SFXN1: variants seen among roughly 807,000 people sequenced by gnomAD.
SFXN1 encodes sideroflexin 1.
In SFXN1, 32 loss-of-function variants were observed where a neutral mutation model predicts 39.5. The ratio of observed to expected loss-of-function variants is 0.81; its 90% CI spans 0.61 to 1.09. SFXN1 has a LOEUF of 1.09. Among genes scored for constraint, SFXN1 ranks in the 50% least tolerant of loss-of-function variants. SFXN1 has a pLI of 0.00. For missense variants in SFXN1, 402 were observed against 407.1 expected (o/e 0.99, Z 0.11); for synonymous variants, 136 against 146.5 (o/e 0.93, Z 0.52).
chr5:175,484,512 A>G (rs1194307950), intron 1 of SFXN1, among the ~76,000 whole-genome samples: 2 of 152,198 alleles, frequency 1.3e-5, no homozygotes, highest in African/African-American at 4.8e-5. Flanking sequence ...AATGCTGCGG[A>G]CCAACCAAGT....
At chr5:175,498,163 A>C (rs192256784) in intron 2 of SFXN1, among the ~76,000 whole-genome samples, 170 of 152,286 alleles carry the variant, frequency 1.1e-3, no homozygotes, top group African/African-American at 3.8e-3. Context: ...ACTCTGAGGA[A>C]AGTTTATAGC....
At chr5:175,487,708 C>G (rs535131635) in intron 1 of SFXN1, among the ~76,000 whole-genome samples, 1 of 152,302 alleles carries the variant, frequency 6.6e-6, no homozygotes, top group East Asian at 1.9e-4. Flanking sequence ...CCAGATTACA[C>G]TTCTCCCCTG....
intron 6 of SFXN1, among the ~76,000 whole-genome samples, chr5:175,512,798 G>A (rs1760567435): frequency 6.6e-6 from 1 of 152,162 alleles, no homozygotes; most frequent in Non-Finnish European, 1.5e-5. Flanking sequence ...AGCATATTAA[G>A]TTTGTTGACT....
intron 7 of SFXN1, among the ~76,000 whole-genome samples, chr5:175,515,234 T>C (rs1353821222): frequency 2.0e-5 from 3 of 152,130 alleles, no homozygotes; most frequent in Non-Finnish European, 4.4e-5. Flanking sequence ...CCAATTAGTC[T>C]AGAACTCCTG....
intron 1 of SFXN1, among the ~76,000 whole-genome samples, chr5:175,481,509 T>G (rs1759249958): frequency 6.6e-6 from 1 of 152,084 alleles, no homozygotes; most frequent in Non-Finnish European, 1.5e-5. Context: ...AGAGACGGGG[T>G]TTCACCACGT....
chr5:175,519,979 C>T (rs1043287804), intron 8 of SFXN1, among the ~76,000 whole-genome samples: 2 of 147,816 alleles, frequency 1.4e-5, no homozygotes, highest in Non-Finnish European at 3.0e-5. Context: ...AAGCAATTCT[C>T]CTGCCTCAGC....
At chr5:175,486,231 T>C (rs1342542298) in intron 1 of SFXN1, among the ~76,000 whole-genome samples, 3 of 152,132 alleles carry the variant, frequency 2.0e-5, no homozygotes, top group African/African-American at 7.2e-5. Flanking sequence ...CATTAATTGG[T>C]GTCATACTTC....
chr5:175,480,173 G>A (rs1419284361), intron 1 of SFXN1, among the ~76,000 whole-genome samples: 1 of 152,128 alleles, frequency 6.6e-6, no homozygotes, highest in East Asian at 1.9e-4. Flanking sequence ...TGGCCGAGGC[G>A]GGCGGATCAC....
chr5:175,517,426 C>T (rs1760744777), intron 8 of SFXN1, among the ~76,000 whole-genome samples: 1 of 152,088 alleles, frequency 6.6e-6, no homozygotes, highest in Non-Finnish European at 1.5e-5. Context: ...GTTTCAGAAC[C>T]CCATTGTGAA....
chr5:175,516,668 G>T lies in SFXN1; in HGVS notation c.774+5G>T. 6.2e-7 allele frequency: 1 copy of T among 1,612,078 alleles called. No individual in the cohort carries two copies. The highest frequency in any genetic ancestry group is 8.5e-7 in the Non-Finnish European group (1 of 1,178,946). ...GAAAAGAAAGCCTTTTTGAAGGTAA[G>T]CTGTGGTTCTTTTGTCATTTTCTCA... On this transcript the variant is annotated splice_donor_5th_base_variant and intron_variant, in intron 8 of 10. Transcript: ENST00000321442.
At chr5:175,526,124 GT>G (rs35414343) in intron 10 of SFXN1, among the ~76,000 whole-genome samples, 30,604 of 127,468 alleles carry the variant, frequency 0.24, 3,412 homozygotes, top group South Asian at 0.41. Flanking sequence ...AAATGTTTTG[GT>G]TTTTTTTTTT....
chr5:175,527,816 G>A lies in SFXN1; in HGVS notation c.*1082G>A, dbSNP rs1313130757. On this transcript the variant is annotated 3_prime_UTR_variant, in exon 11 of 11. Transcript: ENST00000321442. ...CATAGATAATATATTTAATATGACA[G>A]ATTATGTTTCAACTCTGTAGATGTT... The A allele has an allele frequency of 1.3e-5, 2 of 151,928 alleles. No homozygotes were observed. Among genetic ancestry groups the A allele is most frequent in the African/African-American group, 2.4e-5 (1 of 41,366 alleles). The allele number at this position is 151,928 out of a possible 1,614,324, so 9.4% of individuals were successfully genotyped here.
chr5:175,524,124 AAATATATATATATATATAT>A (rs1262121367), intron 10 of SFXN1: 118 of 25,004 alleles, frequency 4.7e-3, no homozygotes, highest in East Asian at 0.013. Flanking sequence ...AAAAAAAAAA[AAATATATATATATATATAT>A]ATATATATAT....
intron 1 of SFXN1, among the ~76,000 whole-genome samples, chr5:175,480,748 C>T (rs770970820): frequency 2.7e-5 from 4 of 147,848 alleles, no homozygotes; most frequent in East Asian, 3.9e-4. Flanking sequence ...AGAGCAGACC[C>T]GTCATCAAAC....
At chr5:175,492,039 A>T in intron 1 of SFXN1, 56 bp from the exon 2 acceptor site, 1 of 1,361,288 alleles carries the variant, frequency 7.3e-7, no homozygotes, top group Non-Finnish European at 1.0e-6. Flanking sequence ...TAAAGTTTCT[A>T]AATACGTAGT....
In SFXN1 at chr5:175,529,394, TA is replaced by T. The variant is rs1355348064; in HGVS notation, c.*2663del. Reference sequence around the variant, plus strand: ...TGATGAACATGGAGCTGCATCTTTTTAAACGTTGTTTTTTGATGCTTCAGAC... The same window carrying T: ...TGATGAACATGGAGCTGCATCTTTTTAACGTTGTTTTTTGATGCTTCAGAC... On this transcript the variant is annotated 3_prime_UTR_variant, in exon 11 of 11. Transcript: ENST00000321442. The T allele has an allele frequency of 5.3e-5, 8 of 152,220 alleles. No individual in the cohort carries two copies. Among genetic ancestry groups the T allele is most frequent in the African/African-American group, 1.9e-4 (8 of 41,440 alleles). The allele number at this position is 152,220 out of a possible 1,614,324, so 9.4% of individuals were successfully genotyped here.
chr5:175,524,125 A>AAAT (rs1760980229), intron 10 of SFXN1: 1 of 32,516 alleles, frequency 3.1e-5, no homozygotes, highest in African/African-American at 1.5e-4. Flanking sequence ...AAAAAAAAAA[A>AAAT]ATATATATAT....
At chr5:175,495,280 A>C (rs1759815774) in intron 2 of SFXN1, among the ~76,000 whole-genome samples, 1 of 151,966 alleles carries the variant, frequency 6.6e-6, no homozygotes, top group African/African-American at 2.4e-5. Context: ...GTAGAGGGGA[A>C]GTTGCCAGGG....
At chr5:175,512,698 CAG>C (rs1260579222) in intron 6 of SFXN1, among the ~76,000 whole-genome samples, 8 of 152,096 alleles carry the variant, frequency 5.3e-5, no homozygotes, top group South Asian at 2.1e-4. Flanking sequence ...TAACGAAAAA[CAG>C]GGGTAACGGT....
Sources: allele counts gnomAD v4.1 joint callset (sites outside exome capture counted in the v4.1 genomes callset), GRCh38; gene constraint gnomAD v4.1.1; transcripts MANE v1.5; gene names NCBI Gene and HGNC (gene_info 2026-07-23, HGNC 2026-07-21).